AGO3: variants seen among roughly 807,000 people sequenced by gnomAD.
AGO3 encodes protein argonaute-3.
In AGO3, 16 loss-of-function variants were observed where a neutral mutation model predicts 105.5. That is an observed-to-expected ratio of 0.15 (90% CI 0.10 to 0.23). The LOEUF (loss-of-function observed/expected upper bound fraction) is 0.23. Among genes scored for constraint, AGO3 ranks in the 10% least tolerant of loss-of-function variants. The pLI, the probability that AGO3 is intolerant of heterozygous loss-of-function variation, is 1.00. For synonymous variants in AGO3, 340 were observed against 367.3 expected (o/e 0.93, Z 0.85); for missense variants, 534 against 1,088.0 (o/e 0.49, Z 7.16).
intron 2 of AGO3, among the ~76,000 whole-genome samples, chr1:35,962,909 C>T (rs1646704750): frequency 6.6e-6 from 1 of 152,154 alleles, no homozygotes; most frequent in South Asian, 2.1e-4. Context: ...ATGATGTTCT[C>T]AAATTCATTA....
chr1:35,938,484 CCTT>C (rs1214609923), intron 1 of AGO3, among the ~76,000 whole-genome samples: 1 of 152,130 alleles, frequency 6.6e-6, no homozygotes, highest in Non-Finnish European at 1.5e-5. Context: ...TTGTTTCTAA[CCTT>C]CTTTTTCCAC....
intron 1 of AGO3, among the ~76,000 whole-genome samples, chr1:35,933,176 G>T (rs576178799): frequency 6.6e-6 from 1 of 152,062 alleles, no homozygotes; most frequent in Non-Finnish European, 1.5e-5. Context: ...GAAAAGTAAA[G>T]TTTTTTCTTC....
At chr1:35,990,724 A>C (rs1473993097) in intron 5 of AGO3, among the ~76,000 whole-genome samples, 1 of 152,200 alleles carries the variant, frequency 6.6e-6, no homozygotes, top group Non-Finnish European at 1.5e-5. Flanking sequence ...GTAAATAAAA[A>C]ATTCTAGTAA....
intron 1 of AGO3, among the ~76,000 whole-genome samples, chr1:35,939,353 G>T (rs939834462): frequency 3.3e-5 from 5 of 152,138 alleles, no homozygotes; most frequent in African/African-American, 1.2e-4. Context: ...AAAGCACCAG[G>T]TAAAGTAATG....
At chr1:35,931,537 G>A in intron 1 of AGO3, 92 bp downstream of exon 1, 1 of 1,263,018 alleles carries the variant, frequency 7.9e-7, no homozygotes. Context: ...AGGTGCGCGA[G>A]GTGAGCGTCG....
At chr1:35,961,011 T>G (rs1646665416) in intron 2 of AGO3, among the ~76,000 whole-genome samples, 1 of 151,696 alleles carries the variant, frequency 6.6e-6, no homozygotes, top group Non-Finnish European at 1.5e-5. Context: ...TGGTGCGATC[T>G]TGGCTCACTG....
intron 5 of AGO3, among the ~76,000 whole-genome samples, chr1:35,983,763 G>A (rs1487317169): frequency 6.6e-6 from 1 of 152,132 alleles, no homozygotes; most frequent in East Asian, 1.9e-4. Context: ...TTTCTGCCAG[G>A]TATGAATGGT....
chr1:35,987,323 G>T (rs1647225401), intron 5 of AGO3, among the ~76,000 whole-genome samples: 1 of 148,186 alleles, frequency 6.7e-6, no homozygotes, highest in East Asian at 2.0e-4. Flanking sequence ...ACAAGATTCT[G>T]TCTCAGAAAA....
chr1:35,972,867 TTTTTTTTTTTG>T (rs960543735), intron 4 of AGO3, among the ~76,000 whole-genome samples: 2 of 148,692 alleles, frequency 1.3e-5, no homozygotes, highest in African/African-American at 2.5e-5. Flanking sequence ...TTTTTTTTTT[TTTTTTTTTTTG>T]TAGAGATGGA....
At position 36,069,214 on chromosome 1, in the gene AGO3, C is replaced by CT. The variant is rs1170596304; in HGVS notation, c.*13470dup. On this transcript the variant is annotated 3_prime_UTR_variant, in exon 19 of 19. Coordinates refer to ENST00000373191, the MANE Select transcript of AGO3 (RefSeq NM_024852.4). ...CAACTCCTGGGCCCAAACTATCCTC[C>CT]TGCTTCAGCCTCCCAAGTAGCTGGG... The CT allele has an allele frequency of 6.6e-6, 1 of 152,486 alleles. No homozygotes were observed. The allele number at this position is 152,486 out of a possible 1,614,324, so 9.4% of individuals were successfully genotyped here. A position where few individuals can be genotyped will look rare whatever the true frequency, so the allele number is the denominator to read the frequency against.
At chr1:35,973,346 G>A (rs752784137) in intron 4 of AGO3, 29 bp from the exon 5 acceptor site, 7 of 1,460,180 alleles carry the variant, frequency 4.8e-6, no homozygotes, top group Non-Finnish European at 9.2e-7. Flanking sequence ...AGAAGGAAAG[G>A]ATTGAACATG....
chr1:36,000,925 C>A (rs1264504738), intron 5 of AGO3, among the ~76,000 whole-genome samples: 2 of 151,780 alleles, frequency 1.3e-5, no homozygotes, highest in Admixed American at 6.6e-5. Context: ...ATATTGATTT[C>A]TCTTATCTTT....
chr1:35,980,080 C>G (rs750640789), intron 5 of AGO3, among the ~76,000 whole-genome samples: 2 of 152,058 alleles, frequency 1.3e-5, no homozygotes, highest in Non-Finnish European at 2.9e-5. Context: ...ATTTTTCCCC[C>G]CAGTGGTTAT....
At chr1:36,051,441 C>T (rs776186240) in intron 17 of AGO3, among the ~76,000 whole-genome samples, 4 of 152,132 alleles carry the variant, frequency 2.6e-5, no homozygotes, top group Non-Finnish European at 5.9e-5. Context: ...ATAGAAACGG[C>T]TGGGCACATG....
intron 5 of AGO3, among the ~76,000 whole-genome samples, chr1:35,988,168 G>T (rs1356123215): frequency 2.0e-5 from 3 of 152,062 alleles, no homozygotes; most frequent in African/African-American, 7.2e-5. Flanking sequence ...AATGTATTCA[G>T]GTATGATTAA....
At position 36,065,271 on chromosome 1, in the gene AGO3, G is replaced by C. The variant is rs1643077815; in HGVS notation, c.*9526G>C. 6.6e-6 allele frequency: 1 copy of C among 152,024 alleles called. No homozygotes were observed. Among genetic ancestry groups the C allele is most frequent in the East Asian group, 1.9e-4 (1 of 5,178 alleles). The allele number at this position is 152,024 out of a possible 1,614,324, so 9.4% of individuals were successfully genotyped here. A position where few individuals can be genotyped will look rare whatever the true frequency, so the allele number is the denominator to read the frequency against. ...AGTTGTATTCATTACATTTCAACAT[G>C]TCCAAGGTTAGCAGACATGTAGTTC... On this transcript the variant is annotated 3_prime_UTR_variant, in exon 19 of 19. Transcript: ENST00000373191.
intron 1 of AGO3, among the ~76,000 whole-genome samples, chr1:35,941,569 G>A (rs1463618741): frequency 2.0e-5 from 3 of 152,234 alleles, no homozygotes; most frequent in African/African-American, 4.8e-5. Flanking sequence ...AGCATGGCAG[G>A]TTACCATCCC....
At chr1:36,003,533 A>G (rs1170150318) in intron 5 of AGO3, among the ~76,000 whole-genome samples, 5 of 151,652 alleles carry the variant, frequency 3.3e-5, no homozygotes, top group African/African-American at 9.7e-5. Flanking sequence ...CGTCTCTACT[A>G]GAAGTGCTAT....
chr1:35,985,163 G>A (rs1647143439), intron 5 of AGO3, among the ~76,000 whole-genome samples: 1 of 151,996 alleles, frequency 6.6e-6, no homozygotes, highest in South Asian at 2.1e-4. Flanking sequence ...TGTGACTGTA[G>A]TCCCAGCTAC....
Sources: gnomAD v4.1 joint callset for allele counts (sites outside exome capture counted in the v4.1 genomes callset) on GRCh38, gnomAD v4.1.1 for gene constraint, MANE v1.5 for transcripts, NCBI Gene and HGNC (gene_info 2026-07-23, HGNC 2026-07-21) for gene names.